The following GRID1 variants were observed in gnomAD, a reference collection of about 807,000 sequenced individuals.
GRID1 encodes glutamate ionotropic receptor delta type subunit 1.
A neutral mutation model predicts 98.0 loss-of-function variants in GRID1; 28 were observed. The observed-to-expected ratio is 0.29, with a 90% CI of 0.21 to 0.39. The LOEUF is 0.39. Ranked by LOEUF, GRID1 falls within the 10% of genes least tolerant of loss-of-function variation. The pLI is 1.00. For synonymous variants in GRID1, 553 were observed against 538.5 expected (o/e 1.03, Z -0.37); for missense variants, 1,111 against 1,340.5 (o/e 0.83, Z 2.67).
chr10:85,664,707 C>G (rs1451754598), intron 12 of GRID1, among the ~76,000 whole-genome samples: 2 of 152,226 alleles, frequency 1.3e-5, no homozygotes, highest in East Asian at 3.9e-4. Flanking sequence ...GAAATGAAAT[C>G]CAGGAGGGCG....
intron 3 of GRID1, among the ~76,000 whole-genome samples, chr10:86,176,203 G>A (rs781076981): frequency 1.6e-4 from 25 of 152,214 alleles, no homozygotes; most frequent in Admixed American, 5.9e-4. Context: ...TGAACAAAGC[G>A]TATTTCCTGT....
intron 4 of GRID1, among the ~76,000 whole-genome samples, chr10:85,982,614 T>C (rs1180238060): frequency 1.3e-5 from 2 of 152,158 alleles, no homozygotes; most frequent in Non-Finnish European, 2.9e-5. Context: ...GTGGGATAAG[T>C]TGGGACATCT....
chr10:85,694,947 C>T (rs1305495204), intron 12 of GRID1, among the ~76,000 whole-genome samples: 1 of 151,510 alleles, frequency 6.6e-6, no homozygotes. Flanking sequence ...CACTTGTACC[C>T]CTTAAATTAA....
chr10:85,829,726 A>G (rs960334443), intron 8 of GRID1, among the ~76,000 whole-genome samples: 1 of 152,204 alleles, frequency 6.6e-6, no homozygotes, highest in African/African-American at 2.4e-5. Context: ...TAAAATACCT[A>G]GAAATAAAGC....
intron 6 of GRID1, among the ~76,000 whole-genome samples, chr10:85,862,647 G>C (rs542010713): frequency 6.6e-5 from 10 of 152,300 alleles, no homozygotes; most frequent in Admixed American, 2.0e-4. Flanking sequence ...CAGCTCTTGA[G>C]AGACCCAGAT....
rs1391537618 is a variant in GRID1, at chr10:85,724,360, A to G, written c.1850T>C (p.Val617Ala). Residue 617 changes from valine to alanine, a missense_variant, in exon 11 of 16, where the codon GTA (valine) becomes GCA (alanine). By Grantham distance (64) the Val-to-Ala change is moderately conservative. This residue lies in a region of GRID1 where 762 missense variants were observed against 869.1 expected (regional missense o/e 0.88). Transcript: ENST00000327946. The stretch of plus-strand genomic sequence containing the variant: ...GGAAACCAGAAAGGTACCTTGCTGT[A>G]CGAAGGCTCCATAGACAATCCAGAT... ...SAIWIVYGAF[V>A]QQGGESSVNS... is the part of the protein sequence containing the mutation. 1 of 1,612,778 alleles carries G rather than the reference A, an allele frequency of 6.2e-7. No individual in the cohort carries two copies. Among genetic ancestry groups the G allele is most frequent in the Admixed American group, 1.7e-5 (1 of 59,994 alleles).
Position 85,727,984 on chromosome 10 carries a change from T to C in GRID1, c.1404A>G (p.Ile468Met). ...GQPKRYKGFS[I>M]DVLDALAKAL... ...CCTTGGCCAGTGCATCCAGGACATCTATGGAGAACCCTTTGTAGCGCTTGG... is the reference window on the plus strand; with the variant it reads ...CCTTGGCCAGTGCATCCAGGACATCCATGGAGAACCCTTTGTAGCGCTTGG... The change falls in exon 10 of 16, where the codon ATA becomes ATG. Residue 468 changes from isoleucine to methionine, a missense_variant. Physicochemically the swap from Ile to Met is conservative, Grantham distance 10. Coordinates refer to ENST00000327946, the MANE Select transcript of GRID1 (RefSeq NM_017551.3). The C allele has an allele frequency of 6.2e-7, 1 of 1,613,808 alleles. No homozygotes were observed. The highest frequency in any genetic ancestry group is 8.5e-7 in the Non-Finnish European group (1 of 1,179,706).
chr10:85,635,937 C>T (rs140259040), intron 13 of GRID1, among the ~76,000 whole-genome samples: 3 of 152,280 alleles, frequency 2.0e-5, no homozygotes, highest in Non-Finnish European at 2.9e-5. Context: ...ACGACAAGGG[C>T]GCTGGAGTGA....
At chr10:85,959,146 C>T (rs1386887158) in intron 4 of GRID1, among the ~76,000 whole-genome samples, 1 of 152,154 alleles carries the variant, frequency 6.6e-6, no homozygotes, top group African/African-American at 2.4e-5. Flanking sequence ...CCTGACTGCA[C>T]ATCTTGGGAT....
intron 4 of GRID1, among the ~76,000 whole-genome samples, chr10:86,055,981 C>G (rs1478044944): frequency 6.6e-6 from 1 of 152,182 alleles, no homozygotes; most frequent in Non-Finnish European, 1.5e-5. Context: ...TTTAAGCCAC[C>G]CAGGCTATGG....
At chr10:86,116,485 G>A (rs1271217987) in intron 4 of GRID1, among the ~76,000 whole-genome samples, 2 of 152,104 alleles carry the variant, frequency 1.3e-5, no homozygotes, top group African/African-American at 2.4e-5. Flanking sequence ...AGGATCAGGT[G>A]GCCAACTTCA....
In GRID1 at chr10:85,916,379, G is replaced by T; in HGVS notation, c.727-140C>A. The stretch of plus-strand genomic sequence containing the variant: ...AAAACATGCCATCCCCCTGGGGCCT[G>T]CTCTGGCTGCCTTAGCTGCAAGAAG... On this transcript the variant is annotated intron_variant, in intron 4 of 15. Coordinates refer to ENST00000327946, the MANE Select transcript of GRID1 (RefSeq NM_017551.3). The surrounding 1 kb of genome is among the most constrained non-coding windows in gnomAD (Gnocchi z 4.0). The T allele has an allele frequency of 1.4e-6, 1 of 711,288 alleles. No homozygotes were observed. The highest frequency in any genetic ancestry group is 2.5e-6 in the Non-Finnish European group (1 of 405,258). The allele number at this position is 711,288 out of a possible 1,614,324, so 44.1% of individuals were successfully genotyped here. A position where few individuals can be genotyped will look rare whatever the true frequency, so the allele number is the denominator to read the frequency against.
At chr10:86,252,436 C>T (rs1282866063) in intron 2 of GRID1, among the ~76,000 whole-genome samples, 1 of 152,236 alleles carries the variant, frequency 6.6e-6, no homozygotes, top group Non-Finnish European at 1.5e-5. Flanking sequence ...CATTAGAATA[C>T]TCATCACACT....
chr10:86,215,361 G>A (rs1846160429), intron 2 of GRID1, among the ~76,000 whole-genome samples: 1 of 152,184 alleles, frequency 6.6e-6, no homozygotes, highest in Non-Finnish European at 1.5e-5. Flanking sequence ...TGGGATCTCT[G>A]GGGCCTCATT....
intron 12 of GRID1, chr10:85,647,791 G>A (rs572838338): frequency 1.4e-3 from 229 of 163,396 alleles, no homozygotes; most frequent in Non-Finnish European, 2.7e-3. Flanking sequence ...TGTATGCTGC[G>A]GATCTCCAAC....
chr10:86,068,312 GAA>G (rs1278279839), intron 4 of GRID1, among the ~76,000 whole-genome samples: 1 of 152,172 alleles, frequency 6.6e-6, no homozygotes, highest in Non-Finnish European at 1.5e-5. Flanking sequence ...GAAGTCAGGA[GAA>G]GAGAGAATGG....
At chr10:85,788,167 A>T (rs1169325518) in intron 8 of GRID1, among the ~76,000 whole-genome samples, 1 of 152,202 alleles carries the variant, frequency 6.6e-6, no homozygotes. Context: ...TGAGGGGGAA[A>T]AAAAATCAGG....
At chr10:85,902,958 T>G (rs1841410151) in intron 5 of GRID1, among the ~76,000 whole-genome samples, 1 of 151,824 alleles carries the variant, frequency 6.6e-6, no homozygotes, top group South Asian at 2.1e-4. Flanking sequence ...CCATGGTGAG[T>G]TTCTCCTCCT....
chr10:85,799,892 C>G (rs929369919), intron 8 of GRID1, among the ~76,000 whole-genome samples: 21 of 151,950 alleles, frequency 1.4e-4, no homozygotes, highest in Admixed American at 1.3e-4. Context: ...AAAGAAATGA[C>G]AAATGTTTGA....
Sources: gnomAD v4.1 joint callset for allele counts (sites outside exome capture counted in the v4.1 genomes callset) on GRCh38, gnomAD v4.1.1 for gene constraint, gnomAD v4.1.1 regional missense constraint, Gnocchi (gnomAD v3.1) non-coding constraint, MANE v1.5 for transcripts, NCBI Gene and HGNC (gene_info 2026-07-23, HGNC 2026-07-21) for gene names.